NIM1K: variants seen among roughly 807,000 people sequenced by gnomAD.
NIM1K encodes serine/threonine-protein kinase NIM1.
Under a neutral mutation model 37.1 loss-of-function variants are expected in NIM1K, and 35 were observed. The ratio of observed to expected loss-of-function variants is 0.94; its 90% CI spans 0.72 to 1.25. The LOEUF (loss-of-function observed/expected upper bound fraction) is 1.25. Ranked by LOEUF, NIM1K falls within the 50% of genes most tolerant of loss-of-function variation. The pLI is 0.00. For missense variants in NIM1K, 564 were observed against 548.0 expected, an observed-to-expected ratio of 1.03 and a Z score of -0.29; for synonymous variants, 234 against 206.6, an observed-to-expected ratio of 1.13 and a Z score of -1.14.
intron 2 of NIM1K, among the ~76,000 whole-genome samples, chr5:43,249,032 C>T (rs957111476): frequency 2.7e-5 from 4 of 149,388 alleles, no homozygotes; most frequent in African/African-American, 4.9e-5. Context: ...CCACCTTGCC[C>T]GGCTAGTTTA....
In NIM1K at chr5:43,277,336, G is replaced by A. The variant is rs758957485; in HGVS notation, c.561+11G>A. The stretch of plus-strand genomic sequence containing the variant: ...GCCGTGAAGCACATGGTGAGCAGGG[G>A]TGACGAGTGAGAACCTTGCTCCCAT... On this transcript the variant is annotated intron_variant, in intron 3 of 3. Coordinates refer to ENST00000326035, the MANE Select transcript of NIM1K (RefSeq NM_153361.4). The A allele has an allele frequency of 2.4e-5, 39 of 1,610,774 alleles. No homozygotes were observed. The highest frequency in any genetic ancestry group is 1.7e-5 in the Non-Finnish European group (20 of 1,178,434).
At chr5:43,215,634 A>C (rs1288393178) in intron 1 of NIM1K, among the ~76,000 whole-genome samples, 1 of 152,174 alleles carries the variant, frequency 6.6e-6, no homozygotes, top group Non-Finnish European at 1.5e-5. Context: ...ATGTTTTGCC[A>C]TGTTGGCCTG....
chr5:43,204,593 G>A (rs2112207538), intron 1 of NIM1K, among the ~76,000 whole-genome samples: 1 of 151,756 alleles, frequency 6.6e-6, no homozygotes, highest in South Asian at 2.1e-4. Flanking sequence ...TAACCCCAGT[G>A]ACTTGGGAGG....
intron 1 of NIM1K, among the ~76,000 whole-genome samples, chr5:43,223,898 A>G (rs1485526466): frequency 6.6e-6 from 1 of 152,216 alleles, no homozygotes; most frequent in Non-Finnish European, 1.5e-5. Flanking sequence ...ATGTGAATGT[A>G]TGAGCCTTTT....
chr5:43,264,713 C>T lies in NIM1K; in HGVS notation c.293-12344C>T, dbSNP rs551175833. Among the ~76,000 whole-genome samples the T allele has an allele frequency of 1.2e-3, 187 of 152,284 alleles. 1 individual carries two copies. Among genetic ancestry groups the T allele is most frequent in the African/African-American group, 4.4e-3 (181 of 41,560 alleles). Reference sequence around the variant, plus strand: ...TTAGTTGATGCAGTTTTCTCCCTAGCATCGATGGTCTTTACAATTTGGCAT... The same window carrying T: ...TTAGTTGATGCAGTTTTCTCCCTAGTATCGATGGTCTTTACAATTTGGCAT... On this transcript the variant is annotated intron_variant, in intron 2 of 3. Transcript: ENST00000326035.
intron 2 of NIM1K, among the ~76,000 whole-genome samples, chr5:43,249,840 G>A (rs886464236): frequency 3.2e-4 from 46 of 145,294 alleles, no homozygotes; most frequent in African/African-American, 1.2e-3. Context: ...GACATTTTAT[G>A]TATGGATTAG....
chr5:43,231,411 G>A (rs1007712692), intron 1 of NIM1K, among the ~76,000 whole-genome samples: 11 of 152,108 alleles, frequency 7.2e-5, no homozygotes, highest in Non-Finnish European at 1.2e-4. Context: ...AATTTGTGGT[G>A]GTGTGAAAGC....
At chr5:43,246,190 C>T (rs767576050) in intron 2 of NIM1K, 123 bp downstream of exon 2, 63 of 722,916 alleles carry the variant, frequency 8.7e-5, no homozygotes, top group Non-Finnish European at 1.2e-4. Context: ...GCAAGGCCCA[C>T]ATCCTGTGCC....
chr5:43,262,144 A>G (rs1753041124), intron 2 of NIM1K, among the ~76,000 whole-genome samples: 1 of 152,206 alleles, frequency 6.6e-6, no homozygotes, highest in Non-Finnish European at 1.5e-5. Context: ...ACTTCTGTGA[A>G]GAAAGTCATT....
At chr5:43,210,961 G>A (rs1260999838) in intron 1 of NIM1K, among the ~76,000 whole-genome samples, 2 of 151,982 alleles carry the variant, frequency 1.3e-5, no homozygotes, top group Non-Finnish European at 2.9e-5. Context: ...ACTTGAGGTC[G>A]GGAGTTGGAG....
intron 2 of NIM1K, among the ~76,000 whole-genome samples, chr5:43,255,018 C>CA (rs950814645): frequency 1.3e-5 from 2 of 151,930 alleles, no homozygotes; most frequent in African/African-American, 4.8e-5. Context: ...ATACTACAAC[C>CA]AAAAAAATGT....
intron 1 of NIM1K, chr5:43,232,982 C>T (rs1230132796): frequency 8.7e-7 from 1 of 1,146,962 alleles, no homozygotes; most frequent in East Asian, 2.3e-5. Context: ...AGAAACACTG[C>T]CCTGGGCACA....
intron 1 of NIM1K, among the ~76,000 whole-genome samples, chr5:43,208,119 TG>T (rs1752144004): frequency 6.6e-6 from 1 of 152,184 alleles, no homozygotes; most frequent in Non-Finnish European, 1.5e-5. Flanking sequence ...TTTTTGTTTT[TG>T]TTTTGGTAGA....
intron 3 of NIM1K, among the ~76,000 whole-genome samples, chr5:43,277,815 T>TGTGTGA (rs532526440): frequency 7.2e-4 from 93 of 128,970 alleles, no homozygotes; most frequent in South Asian, 2.5e-3. Context: ...TGTGTGTGTG[T>TGTGTGA]GAGAGAGAGA....
intron 1 of NIM1K, among the ~76,000 whole-genome samples, chr5:43,199,204 A>AAAAAATATAT (rs1200134957): frequency 2.1e-5 from 2 of 94,056 alleles, no homozygotes; most frequent in Non-Finnish European, 2.0e-5. Flanking sequence ...AAAAAAAAAA[A>AAAAAATATAT]ATATATATAT....
chr5:43,270,522 C>A (rs1057114081), intron 2 of NIM1K, among the ~76,000 whole-genome samples: 2 of 152,112 alleles, frequency 1.3e-5, no homozygotes, highest in Non-Finnish European at 2.9e-5. Context: ...AGGTTACCAG[C>A]TGTGAATGAG....
chr5:43,225,322 C>A (rs1471360155), intron 1 of NIM1K, among the ~76,000 whole-genome samples: 1 of 139,932 alleles, frequency 7.1e-6, no homozygotes, highest in African/African-American at 2.6e-5. Context: ...GGTGTGATTA[C>A]TGTCTTATTT....
intron 1 of NIM1K, among the ~76,000 whole-genome samples, chr5:43,226,220 T>C (rs1163784367): frequency 1.3e-5 from 2 of 152,212 alleles, no homozygotes; most frequent in African/African-American, 2.4e-5. Flanking sequence ...TGGGAAGCCA[T>C]CAAAGGGTTT....
At chr5:43,206,224 A>G (rs1752108272) in intron 1 of NIM1K, among the ~76,000 whole-genome samples, 1 of 152,152 alleles carries the variant, frequency 6.6e-6, no homozygotes, top group Non-Finnish European at 1.5e-5. Context: ...GGGTAAGTAA[A>G]GAAAAGAAAA....
Sources: gnomAD v4.1 joint callset for allele counts (sites outside exome capture counted in the v4.1 genomes callset) on GRCh38, gnomAD v4.1.1 for gene constraint, MANE v1.5 for transcripts, NCBI Gene and HGNC (gene_info 2026-07-23, HGNC 2026-07-21) for gene names.